CNBD1: variants seen among roughly 807,000 people sequenced by gnomAD.
CNBD1 encodes the protein cyclic nucleotide binding domain containing 1.
Under a neutral mutation model 54.4 loss-of-function variants are expected in CNBD1, and 71 were observed. That is an observed-to-expected ratio of 1.30 (90% confidence interval 1.08 to 1.59). The LOEUF (loss-of-function observed/expected upper bound fraction) is 1.59, where lower values mean the gene tolerates loss of function less well. Ranked by LOEUF, CNBD1 falls within the 40% of genes most tolerant of loss-of-function variation. The pLI is 0.00. For synonymous variants in CNBD1, 182 were observed against 170.7 expected, an observed-to-expected ratio of 1.07 and a Z score of -0.51; for missense variants, 659 against 518.0, an observed-to-expected ratio of 1.27 and a Z score of -2.64.
chr8:86,936,684 A>G (rs1373558935), intron 3 of CNBD1, among the ~76,000 whole-genome samples: 2 of 150,360 alleles, frequency 1.3e-5, no homozygotes, highest in African/African-American at 4.9e-5. Context: ...CAGAGCTTGC[A>G]GTGAGCTGAG....
chr8:87,379,863 T>A (rs1271076219), intron 10 of CNBD1, among the ~76,000 whole-genome samples: 1 of 151,978 alleles, frequency 6.6e-6, no homozygotes, highest in Non-Finnish European at 1.5e-5. Context: ...TAGAGCTTAG[T>A]AGCAAATCCT....
intron 8 of CNBD1, among the ~76,000 whole-genome samples, chr8:87,312,512 G>A (rs1194384393): frequency 1.3e-5 from 2 of 151,896 alleles, no homozygotes; most frequent in African/African-American, 2.4e-5. Context: ...AATATAGTGG[G>A]GTTTGACATT....
chr8:86,922,269 G>T (rs1208656856), intron 3 of CNBD1, among the ~76,000 whole-genome samples: 1 of 152,046 alleles, frequency 6.6e-6, no homozygotes, highest in African/African-American at 2.4e-5. Flanking sequence ...TCCCCCATGG[G>T]TGTCAAGATG....
chr8:87,225,151 A>C (rs1274331899), intron 5 of CNBD1, among the ~76,000 whole-genome samples: 2 of 149,734 alleles, frequency 1.3e-5, no homozygotes, highest in African/African-American at 5.0e-5. Flanking sequence ...GGGCTGAGAC[A>C]ATGGGGTTTT....
At chr8:87,338,637 T>C (rs907712077) in intron 8 of CNBD1, among the ~76,000 whole-genome samples, 4 of 151,752 alleles carry the variant, frequency 2.6e-5, no homozygotes, top group Non-Finnish European at 5.9e-5. Context: ...TTTTCTAGTT[T>C]GAAAAGTATA....
chr8:86,896,913 C>CA (rs1027461765), intron 2 of CNBD1, among the ~76,000 whole-genome samples: 11 of 151,476 alleles, frequency 7.3e-5, no homozygotes, highest in Middle Eastern at 3.4e-3. Flanking sequence ...AGAAAATCAT[C>CA]AAAAAAAATT....
At chr8:87,325,949 T>C (rs201234285) in intron 8 of CNBD1, among the ~76,000 whole-genome samples, 13,449 of 109,244 alleles carry the variant, frequency 0.12, 2,704 homozygotes, top group African/African-American at 0.14. Flanking sequence ...TACCGGTTGT[T>C]CCTTTCCATG....
intron 8 of CNBD1, among the ~76,000 whole-genome samples, chr8:87,325,742 C>G (rs958988780): frequency 2.1e-5 from 3 of 145,112 alleles, no homozygotes; most frequent in African/African-American, 7.8e-5. Context: ...ACTGATGGGT[C>G]TTGACTCTTT....
At chr8:87,264,973 T>A (rs990422152) in intron 6 of CNBD1, among the ~76,000 whole-genome samples, 2 of 152,158 alleles carry the variant, frequency 1.3e-5, no homozygotes, top group African/African-American at 4.8e-5. Context: ...TGATGGTAGT[T>A]TCTTTTGCTG....
At chr8:87,143,630 T>C (rs1039286306) in intron 4 of CNBD1, among the ~76,000 whole-genome samples, 1 of 152,206 alleles carries the variant, frequency 6.6e-6, no homozygotes, top group Non-Finnish European at 1.5e-5. Flanking sequence ...ATAAAATTTA[T>C]ACTTATTATT....
At chr8:87,252,619 C>T (rs2130840539) in intron 6 of CNBD1, among the ~76,000 whole-genome samples, 1 of 152,202 alleles carries the variant, frequency 6.6e-6, no homozygotes, top group East Asian at 1.9e-4. Context: ...AACCTTGATC[C>T]TGTTTTCAAA....
chr8:86,930,854 A>G (rs1330977002), intron 3 of CNBD1, among the ~76,000 whole-genome samples: 4 of 152,158 alleles, frequency 2.6e-5, no homozygotes, highest in Non-Finnish European at 5.9e-5. Context: ...TACAAACTTC[A>G]GGGCTTAGGG....
At chr8:87,225,596 G>A (rs1814465163) in intron 5 of CNBD1, among the ~76,000 whole-genome samples, 1 of 152,144 alleles carries the variant, frequency 6.6e-6, no homozygotes, top group African/African-American at 2.4e-5. Flanking sequence ...AAGCCCACTT[G>A]ATCATGGTGG....
chr8:87,352,100 G>A (rs79071365), intron 9 of CNBD1, among the ~76,000 whole-genome samples: 2,836 of 152,152 alleles, frequency 0.019, 88 homozygotes, highest in African/African-American at 0.062. Flanking sequence ...ATACCAGATT[G>A]GCTAAGATGC....
chr8:87,327,943 T>G (rs926781184), intron 8 of CNBD1, among the ~76,000 whole-genome samples: 5 of 152,222 alleles, frequency 3.3e-5, no homozygotes, highest in African/African-American at 1.2e-4. Flanking sequence ...TGTGTGATTT[T>G]TTTTTTGCAT....
intron 4 of CNBD1, among the ~76,000 whole-genome samples, chr8:86,962,678 C>T (rs549623886): frequency 5.3e-5 from 8 of 151,892 alleles, no homozygotes; most frequent in African/African-American, 9.7e-5. Flanking sequence ...CCCAGCTATT[C>T]GAGAGGCTGA....
At chr8:86,897,003 T>G (rs1353437465) in intron 2 of CNBD1, among the ~76,000 whole-genome samples, 4 of 152,190 alleles carry the variant, frequency 2.6e-5, no homozygotes, top group African/African-American at 9.7e-5. Context: ...CTATAAAAGT[T>G]TGATAACTTC....
chr8:87,235,736 A>G (rs1032545978), intron 5 of CNBD1, among the ~76,000 whole-genome samples: 1 of 152,188 alleles, frequency 6.6e-6, no homozygotes, highest in African/African-American at 2.4e-5. Flanking sequence ...CAGAAACACA[A>G]AGTGAGCACA....
At chr8:87,035,701 A>C (rs1427759601) in intron 4 of CNBD1, among the ~76,000 whole-genome samples, 1 of 152,162 alleles carries the variant, frequency 6.6e-6, no homozygotes, top group Non-Finnish European at 1.5e-5. Flanking sequence ...CACAAATGGC[A>C]GTGGCTTATA....
Sources: gnomAD v4.1 joint callset for allele counts (sites outside exome capture counted in the v4.1 genomes callset) on GRCh38, gnomAD v4.1.1 for gene constraint, MANE v1.5 for transcripts, NCBI Gene and HGNC (gene_info 2026-07-23, HGNC 2026-07-21) for gene names.